Variants in STX8 observed in about 807,000 individuals in gnomAD.
STX8 encodes the protein syntaxin-8.
In STX8, 23 loss-of-function variants were observed where a neutral mutation model predicts 37.5. That is an observed-to-expected ratio of 0.61 (90% CI 0.44 to 0.87). STX8 has a LOEUF of 0.87. Ranked by LOEUF, STX8 falls within the 40% of genes least tolerant of loss-of-function variation. STX8 has a pLI of 0.00. For missense variants in STX8, 313 were observed against 284.7 expected (o/e 1.10, Z -0.71); for synonymous variants, 115 against 99.1 (o/e 1.16, Z -0.95).
At chr17:9,386,267 A>T (rs1912011310) in intron 6 of STX8, among the ~76,000 whole-genome samples, 1 of 152,192 alleles carries the variant, frequency 6.6e-6, no homozygotes, top group Non-Finnish European at 1.5e-5. Flanking sequence ...AGCATGAGCT[A>T]CTCATGCATG....
intron 7 of STX8, among the ~76,000 whole-genome samples, chr17:9,353,730 C>T (rs1416741043): frequency 6.6e-5 from 10 of 152,124 alleles, no homozygotes; most frequent in Non-Finnish European, 2.9e-5. Flanking sequence ...ACTAAGGGTG[C>T]GTAAAGTATA....
chr17:9,493,252 G>A (rs1410430339), intron 5 of STX8, among the ~76,000 whole-genome samples: 2 of 152,192 alleles, frequency 1.3e-5, no homozygotes, highest in Non-Finnish European at 2.9e-5. Context: ...GTGATAGAGA[G>A]AGGCTCTGTC....
chr17:9,505,306 G>T, intron 4 of STX8, 144 bp from the exon 5 acceptor site: 1 of 915,436 alleles, frequency 1.1e-6, no homozygotes, highest in Non-Finnish European at 1.6e-6. Context: ...GTTTATGCCA[G>T]GAACTGTATT....
intron 7 of STX8, among the ~76,000 whole-genome samples, chr17:9,257,460 G>C (rs2142122128): frequency 6.6e-6 from 1 of 152,286 alleles, no homozygotes; most frequent in Non-Finnish European, 1.5e-5. Context: ...TACTGACATG[G>C]AGGAGGAGGG....
In STX8 at chr17:9,491,899, G is replaced by T. The variant is rs117771910; in HGVS notation, c.471C>A (p.Ala157=). The change falls in exon 6 of 8, where the codon GCC becomes GCA. Residue 157 remains alanine, a synonymous_variant. Coordinates refer to ENST00000306357, the MANE Select transcript of STX8 (RefSeq NM_004853.3). ...TTTGGCGACTTATGATAGAGGAAAG[G>T]GCATCAAGGCCTGCGTCCTGTTCTG... The part of the protein sequence containing the change: ...IIQEQDAGLD[A]LSSIISRQKQ... 539 of 1,613,114 alleles carry T rather than the reference G, an allele frequency of 3.3e-4. 4 individuals carry two copies. In the East Asian group the frequency reaches 9.7e-3, roughly 29 times the overall value.
intron 4 of STX8, among the ~76,000 whole-genome samples, chr17:9,505,750 G>A (rs1016634638): frequency 2.0e-5 from 3 of 152,148 alleles, no homozygotes; most frequent in South Asian, 4.2e-4. Flanking sequence ...AGACCAGCCC[G>A]TCCAACATGA....
intron 7 of STX8, among the ~76,000 whole-genome samples, chr17:9,283,656 T>C (rs932036079): frequency 2.0e-5 from 3 of 152,222 alleles, no homozygotes; most frequent in African/African-American, 7.2e-5. Context: ...TCGCAATGGA[T>C]AGAACGACAT....
chr17:9,479,887 G>A (rs1357147232), intron 6 of STX8, among the ~76,000 whole-genome samples: 2 of 151,928 alleles, frequency 1.3e-5, no homozygotes, highest in Non-Finnish European at 2.9e-5. Flanking sequence ...TGGGTACACT[G>A]ACTGACTGGC....
intron 7 of STX8, among the ~76,000 whole-genome samples, chr17:9,308,584 A>G (rs1022768001): frequency 6.6e-6 from 1 of 152,052 alleles, no homozygotes; most frequent in African/African-American, 2.4e-5. Context: ...TTAGCTGGGC[A>G]TGGTGGCGTA....
rs78255720 is a variant in STX8, at chr17:9,416,913, T to C, written c.542-38260A>G. On this transcript the variant is annotated intron_variant, in intron 6 of 7. Coordinates refer to ENST00000306357, the MANE Select transcript of STX8 (RefSeq NM_004853.3). ...ACATCATTATTGTAGAAGTCAAGAT[T>C]GATCTTTTGAGATGTTTTTTCAGAT... Among the ~76,000 whole-genome samples the C allele has an allele frequency of 5.7e-3, 871 of 152,306 alleles. 7 individuals carry two copies. Among genetic ancestry groups the C allele is most frequent in the African/African-American group, 0.02 (837 of 41,566 alleles).
chr17:9,417,267 T>C (rs1913234996), intron 6 of STX8, among the ~76,000 whole-genome samples: 1 of 152,206 alleles, frequency 6.6e-6, no homozygotes, highest in African/African-American at 2.4e-5. Flanking sequence ...AAGAACACGT[T>C]AGATGATTAC....
chr17:9,481,340 G>A (rs895674800), intron 6 of STX8, among the ~76,000 whole-genome samples: 9 of 152,188 alleles, frequency 5.9e-5, no homozygotes, highest in African/African-American at 1.9e-4. Context: ...AGAGTAACAG[G>A]AACTCCTTCC....
chr17:9,302,026 T>TTTCC (rs749276697), intron 7 of STX8, among the ~76,000 whole-genome samples: 2 of 152,200 alleles, frequency 1.3e-5, no homozygotes, highest in Non-Finnish European at 2.9e-5. Context: ...CCTGGAAAGT[T>TTTCC]TGAAATAGTT....
At chr17:9,419,609 G>A (rs1164908540) in intron 6 of STX8, among the ~76,000 whole-genome samples, 3 of 152,170 alleles carry the variant, frequency 2.0e-5, no homozygotes, top group Admixed American at 2.0e-4. Context: ...AATTCCAACA[G>A]CTTCTTACAT....
intron 6 of STX8, among the ~76,000 whole-genome samples, chr17:9,488,454 T>C (rs532891038): frequency 1.3e-5 from 2 of 152,204 alleles, no homozygotes; most frequent in East Asian, 3.9e-4. Context: ...AGATGGAATA[T>C]GGGTTGCTCA....
chr17:9,377,605 T>C (rs1218756622), intron 7 of STX8, among the ~76,000 whole-genome samples: 1 of 152,172 alleles, frequency 6.6e-6, no homozygotes, highest in Non-Finnish European at 1.5e-5. Flanking sequence ...CTACTACAGG[T>C]GTGTACCACA....
chr17:9,400,544 A>T (rs982783182), intron 6 of STX8, among the ~76,000 whole-genome samples: 1 of 151,900 alleles, frequency 6.6e-6, no homozygotes, highest in Non-Finnish European at 1.5e-5. Flanking sequence ...AGCTGGTATT[A>T]CAGGCACACA....
chr17:9,415,671 A>G (rs1308238067), intron 6 of STX8, among the ~76,000 whole-genome samples: 2 of 152,174 alleles, frequency 1.3e-5, no homozygotes, highest in Non-Finnish European at 2.9e-5. Context: ...CAGGAGGCTG[A>G]GGCAAGAGAA....
intron 6 of STX8, among the ~76,000 whole-genome samples, chr17:9,474,084 G>A (rs1370788922): frequency 1.3e-5 from 2 of 152,130 alleles, no homozygotes; most frequent in Non-Finnish European, 2.9e-5. Flanking sequence ...CCTTGAACAA[G>A]GTTCAGGGAG....
Sources: allele counts gnomAD v4.1 joint callset (sites outside exome capture counted in the v4.1 genomes callset), GRCh38; gene constraint gnomAD v4.1.1; transcripts MANE v1.5; gene names NCBI Gene and HGNC (gene_info 2026-07-23, HGNC 2026-07-21).